Variants in ADA observed in about 807,000 individuals in gnomAD.
ADA encodes the protein adenosine deaminase.
In ADA, 45 loss-of-function variants were observed where a neutral mutation model predicts 49.0. That is an observed-to-expected ratio of 0.92 (90% CI 0.72 to 1.18). The LOEUF (loss-of-function observed/expected upper bound fraction) is 1.18, where lower values mean the gene tolerates loss of function less well. ADA is among the 50% of genes most tolerant of loss of function. The pLI, the probability that ADA is intolerant of heterozygous loss-of-function variation, is 0.00. For synonymous variants in ADA, 173 were observed against 184.2 expected, an observed-to-expected ratio of 0.94 and a Z score of 0.49; for missense variants, 445 against 472.5, an observed-to-expected ratio of 0.94 and a Z score of 0.54.
At chr20:44,626,109 A>G (rs2065380008) in intron 4 of ADA, among the ~76,000 whole-genome samples, 1 of 152,182 alleles carries the variant, frequency 6.6e-6, no homozygotes, top group African/African-American at 2.4e-5. Flanking sequence ...AAGTTAGAGC[A>G]GGACCTTTAG....
At chr20:44,642,162 C>A (rs1202330384) in intron 1 of ADA, among the ~76,000 whole-genome samples, 1 of 152,188 alleles carries the variant, frequency 6.6e-6, no homozygotes, top group Admixed American at 6.5e-5. Flanking sequence ...GGAATCTTCC[C>A]ATCTGCCTGG....
chr20:44,649,016 A>C (rs929345807), intron 1 of ADA, among the ~76,000 whole-genome samples: 1 of 152,064 alleles, frequency 6.6e-6, no homozygotes, highest in Non-Finnish European at 1.5e-5. Flanking sequence ...CACCTGGGGC[A>C]CTGGCACCTC....
Position 44,651,611 on chromosome 20 carries a change from GC to G in ADA, c.-5del. On this transcript the variant is annotated 5_prime_UTR_variant, in exon 1 of 12. Transcript: ENST00000372874. ...CGAAGGCGGGCGTCTGGGCCATGGT[GC>G]CCTCGTGCGCCCCGGCGCTGCTCCC... 6.5e-7 allele frequency: 1 copy of G among 1,532,886 alleles called. No individual in the cohort carries two copies. The allele number at this position is 1,532,886 out of a possible 1,614,324, so 95.0% of individuals were successfully genotyped here. A position where few individuals can be genotyped will look rare whatever the true frequency, so the allele number is the denominator to read the frequency against.
At chr20:44,640,864 G>A (rs1380905713) in intron 1 of ADA, among the ~76,000 whole-genome samples, 1 of 151,924 alleles carries the variant, frequency 6.6e-6, no homozygotes, top group Non-Finnish European at 1.5e-5. Context: ...CTGGAATGAT[G>A]CAGCCACAAG....
chr20:44,624,966 G>A (rs1203739119), intron 5 of ADA, among the ~76,000 whole-genome samples: 5 of 152,216 alleles, frequency 3.3e-5, no homozygotes, highest in Admixed American at 1.3e-4. Flanking sequence ...AGGCTGCTGC[G>A]AGGATTAGAG....
chr20:44,629,237 T>C, intron 2 of ADA, 68 bp from the exon 3 acceptor site: 1 of 1,608,084 alleles, frequency 6.2e-7, no homozygotes. Flanking sequence ...CAGGCCAGGA[T>C]GGAGCAGACT....
intron 2 of ADA, among the ~76,000 whole-genome samples, chr20:44,633,277 T>G (rs2065450092): frequency 6.6e-6 from 1 of 152,100 alleles, no homozygotes; most frequent in Admixed American, 6.5e-5. Flanking sequence ...AAATGAAACT[T>G]TGTGTGTCAT....
chr20:44,641,450 C>G (rs1489371662), intron 1 of ADA, among the ~76,000 whole-genome samples: 1 of 150,688 alleles, frequency 6.6e-6, no homozygotes, highest in Non-Finnish European at 1.5e-5. Context: ...AAGGAACTAG[C>G]AGCCTTGGAG....
At chr20:44,642,163 A>G (rs557353309) in intron 1 of ADA, among the ~76,000 whole-genome samples, 1 of 152,258 alleles carries the variant, frequency 6.6e-6, no homozygotes, top group East Asian at 1.9e-4. Flanking sequence ...GAATCTTCCC[A>G]TCTGCCTGGG....
chr20:44,623,091 G>A lies in ADA; in HGVS notation c.607-13C>T, dbSNP rs1397207635. On this transcript the variant is annotated splice_polypyrimidine_tract_variant and intron_variant, in intron 6 of 11. Transcript: ENST00000372874. ...TCTTCACAGCCTCCTGGAAGGGGGA[G>A]AGCCAGGTCATGGGTGCCCTAGCGG... 4 of 1,613,944 alleles carry A rather than the reference G, an allele frequency of 2.5e-6. No individual in the cohort carries two copies. The Admixed American group carries it at 5.0e-5, about 20-fold the overall frequency.
intron 11 of ADA, among the ~76,000 whole-genome samples, 161 bp downstream of exon 11, chr20:44,620,138 T>G (rs1477979265): frequency 1.3e-5 from 2 of 152,066 alleles, no homozygotes; most frequent in Non-Finnish European, 2.9e-5. Context: ...AACAAACCGA[T>G]CTAATGAGAC....
intron 4 of ADA, 26 bp from the exon 5 acceptor site, chr20:44,625,710 G>A: frequency 6.5e-7 from 1 of 1,539,608 alleles, no homozygotes; most frequent in Non-Finnish European, 8.8e-7. Flanking sequence ...AGTAGGGATG[G>A]GCCTGAGGCA....
intron 1 of ADA, among the ~76,000 whole-genome samples, chr20:44,649,902 A>AT (rs1437953655): frequency 1.8e-4 from 27 of 152,012 alleles, no homozygotes; most frequent in Admixed American, 6.6e-4. Context: ...TGCCCAGCTA[A>AT]TTTTTTATAT....
intron 1 of ADA, among the ~76,000 whole-genome samples, chr20:44,646,316 C>T (rs1270543591): frequency 6.6e-6 from 1 of 152,206 alleles, no homozygotes; most frequent in African/African-American, 2.4e-5. Flanking sequence ...TCCCCTCCAC[C>T]ACCAACTGCC....
At chr20:44,627,303 T>C (rs910254904) in intron 3 of ADA, among the ~76,000 whole-genome samples, 3 of 151,940 alleles carry the variant, frequency 2.0e-5, no homozygotes, top group Non-Finnish European at 4.4e-5. Context: ...TGCCTCAGCC[T>C]CCCAAGTAGC....
chr20:44,622,641 C>A lies in ADA; in HGVS notation c.792G>T (p.Trp264Cys). The A allele has an allele frequency of 6.2e-7, 1 of 1,614,226 alleles. No homozygotes were observed. The highest frequency in any genetic ancestry group is 8.5e-7 in the Non-Finnish European group (1 of 1,180,034). ...QENMHFEICP[W>C]SSYLTGAWKP... ...TCCAGGCACCAGTGAGGTAGCTGGA[C>A]CAGGGGCAGATCTGGAAGAGCAGGT... The change falls in exon 9 of 12, where the codon TGG becomes TGT. Residue 264 changes from tryptophan to cysteine, a missense_variant. Transcript: ENST00000372874.
intron 1 of ADA, among the ~76,000 whole-genome samples, chr20:44,644,765 C>T (rs1413218263): frequency 1.3e-5 from 2 of 152,226 alleles, no homozygotes; most frequent in African/African-American, 2.4e-5. Context: ...GCTCCGCCAG[C>T]TCCGAGGTAC....
At chr20:44,645,880 C>T (rs1393265004) in intron 1 of ADA, among the ~76,000 whole-genome samples, 2 of 152,210 alleles carry the variant, frequency 1.3e-5, no homozygotes, top group Admixed American at 1.3e-4. Flanking sequence ...AAATTCCTTG[C>T]TGTTCTAGCT....
intron 1 of ADA, among the ~76,000 whole-genome samples, chr20:44,651,333 G>T (rs567359175): frequency 4.2e-4 from 64 of 152,350 alleles, no homozygotes; most frequent in African/African-American, 1.4e-3. Flanking sequence ...GCGAAACTGA[G>T]ACCCAGAGGG....
Sources: gnomAD v4.1 joint callset for allele counts (sites outside exome capture counted in the v4.1 genomes callset) on GRCh38, gnomAD v4.1.1 for gene constraint, MANE v1.5 for transcripts, NCBI Gene and HGNC (gene_info 2026-07-23, HGNC 2026-07-21) for gene names.